The following MIER2 variants were observed in gnomAD, a reference collection of about 807,000 sequenced individuals.
MIER2 encodes the protein mesoderm induction early response protein 2.
MIER2 carries 30 observed loss-of-function variants against 67.6 expected under a neutral mutation model. The observed-to-expected ratio is 0.44, with a 90% CI of 0.33 to 0.60. MIER2 has a LOEUF of 0.60. Among genes scored for constraint, MIER2 ranks in the 20% least tolerant of loss-of-function variants. The probability of loss-of-function intolerance (pLI) is 0.02; values close to 1 mark genes in which losing one functional copy is unlikely to be tolerated. For missense variants in MIER2, 702 were observed against 745.1 expected, an observed-to-expected ratio of 0.94 and a Z score of 0.67; for synonymous variants, 372 against 312.6, an observed-to-expected ratio of 1.19 and a Z score of -2.00.
intron 9 of MIER2, 54 bp downstream of exon 9, chr19:312,137 C>G: frequency 8.0e-7 from 1 of 1,244,502 alleles, no homozygotes; most frequent in Non-Finnish European, 1.1e-6. Context: ...GGAGAACGGT[C>G]AGCAGTGCCC....
intron 1 of MIER2, among the ~76,000 whole-genome samples, chr19:342,542 T>C (rs1568241312): frequency 6.6e-6 from 1 of 150,832 alleles, no homozygotes; most frequent in East Asian, 2.0e-4. Flanking sequence ...CCAGGGACCA[T>C]GAAAAGCCAT....
Position 334,338 on chromosome 19 carries a change from T to A in MIER2, c.243+62A>T, listed in dbSNP as rs752010911. The A allele has an allele frequency of 4.4e-5, 70 of 1,602,078 alleles. No homozygotes were observed. In the Middle Eastern group the frequency reaches 1.0e-3, roughly 23 times the overall value. On this transcript the variant is annotated intron_variant, in intron 3 of 13. Transcript: ENST00000264819. ...ATGTGGAATCTGAGCTGCACAAAAC[T>A]CATGAGGCTTACCCCGGAGGGCTCC...
intron 3 of MIER2, 27 bp from the exon 4 acceptor site, chr19:328,016 C>A: frequency 6.2e-7 from 1 of 1,610,848 alleles, no homozygotes; most frequent in African/African-American, 1.3e-5. Flanking sequence ...AACAAGGCCC[C>A]ATCAGGAGGG....
intron 10 of MIER2, among the ~76,000 whole-genome samples, chr19:309,590 ACAC>A (rs1274854390): frequency 6.7e-6 from 1 of 149,436 alleles, no homozygotes; most frequent in Non-Finnish European, 1.5e-5. Context: ...ACACACACAC[ACAC>A]AAGGCTTCAG....
intron 1 of MIER2, among the ~76,000 whole-genome samples, chr19:338,922 T>G (rs930661605): frequency 2.6e-5 from 4 of 152,010 alleles, no homozygotes; most frequent in Non-Finnish European, 5.9e-5. Flanking sequence ...ATCAAAGGCC[T>G]TAAATATAAG....
intron 6 of MIER2, 104 bp from the exon 7 acceptor site, chr19:325,808 C>G (rs1971713471): frequency 3.4e-6 from 4 of 1,191,036 alleles, no homozygotes; most frequent in Non-Finnish European, 5.0e-6. Flanking sequence ...GGGCCACTGT[C>G]CAGACCCCAG....
chr19:332,109 T>C (rs1002023893), intron 3 of MIER2, among the ~76,000 whole-genome samples: 5 of 152,158 alleles, frequency 3.3e-5, no homozygotes, highest in Non-Finnish European at 7.3e-5. Context: ...CATAAAAATA[T>C]TTATATTAAC....
chr19:331,244 G>C (rs1173614656), intron 3 of MIER2, among the ~76,000 whole-genome samples: 1 of 151,792 alleles, frequency 6.6e-6, no homozygotes, highest in Non-Finnish European at 1.5e-5. Flanking sequence ...TGTAGTCCCA[G>C]CTACTCAGGA....
At chr19:328,984 T>C (rs1971896020) in intron 3 of MIER2, among the ~76,000 whole-genome samples, 1 of 152,204 alleles carries the variant, frequency 6.6e-6, no homozygotes, top group Admixed American at 6.5e-5. Context: ...ATCAACATCA[T>C]GCTCTCCAGT....
chr19:344,700 G>A (rs978678315), intron 1 of MIER2, 74 bp downstream of exon 1: 66 of 998,478 alleles, frequency 6.6e-5, no homozygotes, highest in South Asian at 2.9e-4. Context: ...GGCCCACGAC[G>A]AGGCCGAGCC....
Position 332,065 on chromosome 19 carries a change from AT to A in MIER2, c.243+2334del, listed in dbSNP as rs545106450. ...GGAAAACTAAAAATTCAGTCTTCTA[AT>A]TTTTTTTCTTTTGGGACAGTTCTTT... On this transcript the variant is annotated intron_variant, in intron 3 of 13. Transcript: ENST00000264819. Among the ~76,000 whole-genome samples the A allele has an allele frequency of 4.6e-3, 698 of 152,152 alleles. 4 individuals carry two copies. Among genetic ancestry groups the A allele is most frequent in the African/African-American group, 0.016 (645 of 41,508 alleles).
chr19:316,294 T>C (rs925577617), intron 7 of MIER2, among the ~76,000 whole-genome samples: 4 of 148,604 alleles, frequency 2.7e-5, no homozygotes, highest in Admixed American at 6.8e-5. Context: ...TTGTGATATG[T>C]AGATTTTTTT....
intron 1 of MIER2, among the ~76,000 whole-genome samples, chr19:338,247 T>C (rs1490697613): frequency 2.0e-5 from 3 of 149,656 alleles, no homozygotes; most frequent in African/African-American, 7.4e-5. Context: ...GCTGGTGACA[T>C]GATCTAAAAA....
chr19:335,675 C>G (rs2145534496), intron 2 of MIER2, among the ~76,000 whole-genome samples: 1 of 152,306 alleles, frequency 6.6e-6, no homozygotes, highest in Admixed American at 6.5e-5. Context: ...GCCCACTGGG[C>G]AAGCAGCAGC....
Position 305,802 on chromosome 19 carries a change from G to C in MIER2, c.*888C>G, listed in dbSNP as rs1361992693. 1.3e-5 allele frequency: 2 copies of C among 152,630 alleles called. No homozygotes were observed. Among genetic ancestry groups the C allele is most frequent in the African/African-American group, 4.8e-5 (2 of 41,454 alleles). 9.5% of individuals were successfully genotyped at this position (152,630 alleles called of 1,614,324 possible). A position where few individuals can be genotyped will look rare whatever the true frequency, so the allele number is the denominator to read the frequency against. On this transcript the variant is annotated 3_prime_UTR_variant, in exon 14 of 14. Coordinates refer to ENST00000264819, the MANE Select transcript of MIER2 (RefSeq NM_017550.3). ...AACGAACGAGAGGGCCAGGGAGGAGGGGGACCAGGACTCCAAGCCATCTTG... is the reference window on the plus strand; with the variant it reads ...AACGAACGAGAGGGCCAGGGAGGAGCGGGACCAGGACTCCAAGCCATCTTG...
intron 7 of MIER2, among the ~76,000 whole-genome samples, chr19:314,065 C>G (rs2145380465): frequency 6.6e-6 from 1 of 152,302 alleles, no homozygotes; most frequent in Middle Eastern, 3.4e-3. Flanking sequence ...GCTACAAGGG[C>G]ACCTGAAATG....
At chr19:315,346 G>A (rs890626788) in intron 7 of MIER2, among the ~76,000 whole-genome samples, 4 of 152,214 alleles carry the variant, frequency 2.6e-5, no homozygotes, top group African/African-American at 9.6e-5. Flanking sequence ...GCCTGGGCGA[G>A]AAGAGCGAGA....
intron 12 of MIER2, 34 bp from the exon 13 acceptor site, chr19:307,570 GCC>G: frequency 6.8e-6 from 10 of 1,473,808 alleles, no homozygotes; most frequent in Non-Finnish European, 8.9e-6. Flanking sequence ...GGTGGGGCCT[GCC>G]CACAGCCGCG....
chr19:340,787 C>T (rs1972468543), intron 1 of MIER2, among the ~76,000 whole-genome samples: 4 of 152,168 alleles, frequency 2.6e-5, no homozygotes, highest in South Asian at 2.1e-4. Context: ...CAAGGAGCAC[C>T]TCAAGCTCTA....
Sources: gnomAD v4.1 joint callset for allele counts (sites outside exome capture counted in the v4.1 genomes callset) on GRCh38, gnomAD v4.1.1 for gene constraint, MANE v1.5 for transcripts, NCBI Gene and HGNC (gene_info 2026-07-23, HGNC 2026-07-21) for gene names.